PTPRD: variants seen among roughly 807,000 people sequenced by gnomAD.
The protein encoded by PTPRD is protein tyrosine phosphatase receptor type D, also known as receptor-type tyrosine-protein phosphatase delta.
PTPRD carries 34 observed loss-of-function variants against 214.5 expected under a neutral mutation model. The observed-to-expected ratio is 0.16, with a 90% confidence interval of 0.12 to 0.21. PTPRD has a LOEUF of 0.21. Ranked by LOEUF, PTPRD falls within the 10% of genes least tolerant of loss-of-function variation. The pLI is 1.00. For synonymous variants in PTPRD, 1,128 were observed against 845.7 expected (o/e 1.33, Z -5.79); for missense variants, 2,545 against 2,398.7 (o/e 1.06, Z -1.27).
chr9:9,918,783 C>A (rs141794743), intron 5 of PTPRD, among the ~76,000 whole-genome samples: 63 of 152,116 alleles, frequency 4.1e-4, no homozygotes, highest in African/African-American at 1.4e-3. Context: ...GCATGGGTAT[C>A]GAGAATATTC....
intron 44 of PTPRD, among the ~76,000 whole-genome samples, chr9:8,331,121 T>A (rs1840267188): frequency 6.6e-6 from 1 of 152,132 alleles, no homozygotes; most frequent in Non-Finnish European, 1.5e-5. Context: ...CAAATTGCAT[T>A]TTTTAACTGA....
At chr9:8,934,467 A>ATATATATAAATT (rs59157575) in intron 11 of PTPRD, among the ~76,000 whole-genome samples, 247 of 6,044 alleles carry the variant, frequency 0.041, 13 homozygotes, top group East Asian at 0.22. Flanking sequence ...ATATATAAAT[A>ATATATATAAATT]TATATATATA....
intron 3 of PTPRD, among the ~76,000 whole-genome samples, chr9:10,045,288 A>G (rs1009089525): frequency 1.6e-4 from 25 of 151,916 alleles, no homozygotes; most frequent in Non-Finnish European, 2.5e-4. Context: ...ACAATTAGCA[A>G]AACACTTAAA....
chr9:9,386,313 T>G (rs148349098), intron 9 of PTPRD, among the ~76,000 whole-genome samples: 130 of 152,236 alleles, frequency 8.5e-4, no homozygotes, highest in African/African-American at 3.0e-3. Context: ...CCTGCTAAAA[T>G]GCCTCACATT....
chr9:9,985,705 C>A (rs1013137551), intron 4 of PTPRD, among the ~76,000 whole-genome samples: 2 of 151,538 alleles, frequency 1.3e-5, no homozygotes, highest in African/African-American at 4.9e-5. Flanking sequence ...GTCCACATGG[C>A]ATAAATATAA....
chr9:9,359,764 C>T (rs1486171109), intron 9 of PTPRD, among the ~76,000 whole-genome samples: 3 of 151,118 alleles, frequency 2.0e-5, no homozygotes, highest in African/African-American at 4.8e-5. Flanking sequence ...CATCTGACTT[C>T]GTTTGATTTT....
At chr9:8,462,491 G>C (rs907057780) in intron 32 of PTPRD, among the ~76,000 whole-genome samples, 4 of 152,048 alleles carry the variant, frequency 2.6e-5, no homozygotes, top group Admixed American at 2.6e-4. Context: ...ATAAAACGTA[G>C]ATAACTTAGC....
At chr9:8,916,698 A>C (rs2098788512) in intron 11 of PTPRD, among the ~76,000 whole-genome samples, 1 of 152,212 alleles carries the variant, frequency 6.6e-6, no homozygotes, top group Non-Finnish European at 1.5e-5. Context: ...CATAGTGCTC[A>C]AAAAATGCAT....
intron 2 of PTPRD, among the ~76,000 whole-genome samples, chr9:10,461,750 G>A (rs1392487803): frequency 2.6e-5 from 4 of 151,770 alleles, no homozygotes; most frequent in African/African-American, 9.7e-5. Context: ...AGCCTCCTGA[G>A]TAACTGGGAT....
intron 14 of PTPRD, among the ~76,000 whole-genome samples, chr9:8,599,146 A>G (rs2094653736): frequency 6.6e-6 from 1 of 152,132 alleles, no homozygotes; most frequent in African/African-American, 2.4e-5. Flanking sequence ...GTTCTCCTGC[A>G]TACATTCTCT....
chr9:9,429,453 G>A (rs536028274), intron 8 of PTPRD, among the ~76,000 whole-genome samples: 3 of 152,232 alleles, frequency 2.0e-5, no homozygotes, highest in South Asian at 2.1e-4. Context: ...TGGATTCACA[G>A]CTGAATTCTA....
intron 9 of PTPRD, among the ~76,000 whole-genome samples, chr9:9,393,586 A>C (rs1018411043): frequency 6.6e-6 from 1 of 152,126 alleles, no homozygotes; most frequent in Non-Finnish European, 1.5e-5. Context: ...ATCATGAGGA[A>C]TAACAAATTT....
intron 8 of PTPRD, among the ~76,000 whole-genome samples, chr9:9,486,100 G>C (rs1039749393): frequency 8.0e-6 from 1 of 124,878 alleles, no homozygotes; most frequent in Non-Finnish European, 1.6e-5. Context: ...GTGGTGAGTC[G>C]AGATCACGCC....
At chr9:8,336,214 C>G (rs1846505290) in intron 43 of PTPRD, among the ~76,000 whole-genome samples, 1 of 149,002 alleles carries the variant, frequency 6.7e-6, no homozygotes, top group South Asian at 2.1e-4. Context: ...AACAAGGCTA[C>G]AGTAACCAAA....
At position 10,039,488 on chromosome 9, in the gene PTPRD, G is replaced by A. The variant is rs546748061; in HGVS notation, c.-544-5698C>T. On this transcript the variant is annotated intron_variant, in intron 3 of 45. Coordinates refer to ENST00000381196, the MANE Select transcript of PTPRD (RefSeq NM_002839.4). ...ATACAATAGAAGTTGCAATTAAAAT[G>A]GTGAAAGTTACACAAGTAAGCTAGA... 4.6e-5 allele frequency among the ~76,000 whole-genome samples: 7 copies of A among 152,054 alleles called. No individual in the cohort carries two copies. The South Asian group carries it at 1.2e-3, about 27-fold the overall frequency.
intron 2 of PTPRD, among the ~76,000 whole-genome samples, chr9:10,356,918 T>A (rs1261250972): frequency 6.6e-6 from 1 of 151,868 alleles, no homozygotes; most frequent in Admixed American, 6.6e-5. Flanking sequence ...TGACCTCAGG[T>A]GATCCACCCA....
intron 14 of PTPRD, among the ~76,000 whole-genome samples, chr9:8,607,732 C>T (rs965258735): frequency 6.6e-6 from 1 of 152,182 alleles, no homozygotes; most frequent in Non-Finnish European, 1.5e-5. Flanking sequence ...GAATGACCAT[C>T]TCCTACTAGA....
At chr9:10,049,511 GT>G (rs1283265769) in intron 3 of PTPRD, among the ~76,000 whole-genome samples, 1 of 151,836 alleles carries the variant, frequency 6.6e-6, no homozygotes, top group Non-Finnish European at 1.5e-5. Flanking sequence ...CTTCAAGTCA[GT>G]TTCCCTTTTT....
intron 5 of PTPRD, among the ~76,000 whole-genome samples, chr9:9,799,939 C>T (rs73641354): frequency 6.5e-4 from 99 of 152,188 alleles, no homozygotes; most frequent in African/African-American, 2.3e-3. Flanking sequence ...AAGGATTAAA[C>T]CTGCTTCAAA....
Sources: allele counts gnomAD v4.1 joint callset (sites outside exome capture counted in the v4.1 genomes callset), GRCh38; gene constraint gnomAD v4.1.1; transcripts MANE v1.5; gene names NCBI Gene and HGNC (gene_info 2026-07-23, HGNC 2026-07-21).